Variants in BBX observed in about 807,000 individuals in gnomAD.
BBX encodes HMG box transcription factor BBX.
BBX carries 30 observed loss-of-function variants against 100.2 expected under a neutral mutation model. That is an observed-to-expected ratio of 0.30 (90% CI 0.22 to 0.41). The LOEUF is 0.41. Among genes scored for constraint, BBX ranks in the 10% least tolerant of loss-of-function variants. The probability of loss-of-function intolerance (pLI) is 1.00; values close to 1 mark genes in which losing one functional copy is unlikely to be tolerated. For synonymous variants in BBX, 376 were observed against 388.1 expected, an observed-to-expected ratio of 0.97 and a Z score of 0.37; for missense variants, 1,023 against 1,129.8, an observed-to-expected ratio of 0.91 and a Z score of 1.35.
chr3:107,543,569 T>G (rs1238536954), intron 2 of BBX, among the ~76,000 whole-genome samples: 2 of 152,252 alleles, frequency 1.3e-5, no homozygotes, highest in Non-Finnish European at 2.9e-5. Context: ...AGTTAACGGA[T>G]AATAAACTGT....
intron 3 of BBX, among the ~76,000 whole-genome samples, chr3:107,676,096 A>C (rs980164880): frequency 1.3e-5 from 2 of 152,158 alleles, no homozygotes; most frequent in Admixed American, 1.3e-4. Context: ...TGGGAATCTG[A>C]AAATATCTAG....
At chr3:107,639,746 T>A (rs960206480) in intron 2 of BBX, among the ~76,000 whole-genome samples, 2 of 152,204 alleles carry the variant, frequency 1.3e-5, no homozygotes, top group African/African-American at 4.8e-5. Flanking sequence ...GTACATAATG[T>A]ACATAATGTA....
At chr3:107,577,857 C>A (rs552723148) in intron 2 of BBX, among the ~76,000 whole-genome samples, 2 of 151,916 alleles carry the variant, frequency 1.3e-5, no homozygotes, top group African/African-American at 2.4e-5. Flanking sequence ...ACCAAGATGA[C>A]GAGCCTGGCC....
chr3:107,588,777 A>T (rs978335299), intron 2 of BBX, among the ~76,000 whole-genome samples: 1 of 152,326 alleles, frequency 6.6e-6, no homozygotes, highest in Admixed American at 6.5e-5. Context: ...TGAACATATA[A>T]CATGTTTTAA....
chr3:107,535,878 C>A (rs1000234771), intron 2 of BBX, among the ~76,000 whole-genome samples: 6 of 152,230 alleles, frequency 3.9e-5, no homozygotes, highest in African/African-American at 1.4e-4. Context: ...GGATTATAGG[C>A]GTGAGCCACC....
At chr3:107,662,863 G>A (rs891887764) in intron 3 of BBX, 12 of 152,062 alleles carry the variant, frequency 7.9e-5, no homozygotes, top group Non-Finnish European at 1.8e-4. Flanking sequence ...ACCTCAAAGA[G>A]TCCTGAGTAC....
chr3:107,616,962 TTAAC>T (rs2055338439), intron 2 of BBX, among the ~76,000 whole-genome samples: 1 of 152,094 alleles, frequency 6.6e-6, no homozygotes. Flanking sequence ...TAACTCAAAT[TTAAC>T]TAGCTCTAGA....
At chr3:107,604,195 T>G (rs1289585734) in intron 2 of BBX, among the ~76,000 whole-genome samples, 1 of 152,188 alleles carries the variant, frequency 6.6e-6, no homozygotes, top group African/African-American at 2.4e-5. Context: ...TGATGTGTAG[T>G]CAGACTTGAC....
chr3:107,587,924 G>A (rs1399928692), intron 2 of BBX, among the ~76,000 whole-genome samples: 3 of 152,138 alleles, frequency 2.0e-5, no homozygotes, highest in Non-Finnish European at 4.4e-5. Flanking sequence ...GACATAACAT[G>A]GAATCCCTAC....
intron 3 of BBX, among the ~76,000 whole-genome samples, chr3:107,660,658 A>G (rs77002861): frequency 0.011 from 1,710 of 152,256 alleles, 14 homozygotes; most frequent in Middle Eastern, 0.044. Context: ...AGTTGAATAG[A>G]AATTTCTTTG....
intron 2 of BBX, among the ~76,000 whole-genome samples, chr3:107,625,712 A>G (rs865862615): frequency 3.3e-5 from 5 of 152,144 alleles, no homozygotes; most frequent in Admixed American, 1.3e-4. Context: ...GGCCTTTTGG[A>G]CATAAATGCT....
At chr3:107,668,581 T>A (rs1465968008) in intron 3 of BBX, among the ~76,000 whole-genome samples, 1 of 152,210 alleles carries the variant, frequency 6.6e-6, no homozygotes, top group Non-Finnish European at 1.5e-5. Flanking sequence ...GTTCATGCTC[T>A]GGAACTCTGA....
At chr3:107,676,444 T>A (rs913390185) in intron 3 of BBX, among the ~76,000 whole-genome samples, 11 of 152,204 alleles carry the variant, frequency 7.2e-5, no homozygotes, top group Non-Finnish European at 1.0e-4. Context: ...ACAGCTTTGC[T>A]GGAAACACTA....
intron 2 of BBX, among the ~76,000 whole-genome samples, chr3:107,548,363 T>C (rs2107406472): frequency 6.6e-6 from 1 of 152,342 alleles, no homozygotes; most frequent in East Asian, 1.9e-4. Context: ...TGTTTATGTG[T>C]GTGTTCCATT....
intron 2 of BBX, among the ~76,000 whole-genome samples, chr3:107,645,509 G>T (rs749663584): frequency 6.6e-6 from 1 of 151,968 alleles, no homozygotes; most frequent in Non-Finnish European, 1.5e-5. Context: ...GTTTTTCCAG[G>T]GGATTTGCCT....
chr3:107,587,758 C>T (rs1225711939), intron 2 of BBX, among the ~76,000 whole-genome samples: 2 of 152,152 alleles, frequency 1.3e-5, no homozygotes, highest in Non-Finnish European at 2.9e-5. Context: ...GCTCGAGGCT[C>T]TTTTAGGAGT....
intron 2 of BBX, among the ~76,000 whole-genome samples, chr3:107,562,805 G>T (rs998183350): frequency 6.6e-6 from 1 of 152,138 alleles, no homozygotes; most frequent in Non-Finnish European, 1.5e-5. Flanking sequence ...AACCTGAAAA[G>T]AAATGAATTA....
rs575836355 is a variant in BBX, at chr3:107,697,044, T to C, written c.-9-13408T>C. Reference sequence around the variant, plus strand: ...TAGTTCTCGAGCCTTGGTTTTCAGCTCCATCAGCTCCTTTAAGCACTTCTC... The same window carrying C: ...TAGTTCTCGAGCCTTGGTTTTCAGCCCCATCAGCTCCTTTAAGCACTTCTC... On this transcript the variant is annotated intron_variant, in intron 3 of 17. Coordinates refer to ENST00000325805, the MANE Select transcript of BBX (RefSeq NM_001142568.3). Among the ~76,000 whole-genome samples, 19 of 151,950 alleles carry C rather than the reference T, an allele frequency of 1.3e-4. No individual in the cohort carries two copies. In the East Asian group the frequency reaches 3.3e-3, roughly 26 times the overall value.
Position 107,697,379 on chromosome 3 carries a change from G to T in BBX, c.-9-13073G>T, listed in dbSNP as rs552905807. Among the ~76,000 whole-genome samples, 1,102 of 151,902 alleles carry T rather than the reference G, an allele frequency of 7.3e-3. 40 individuals are homozygous for T. The highest frequency in any genetic ancestry group is 0.025 in the African/African-American group (1,012 of 41,190). ...GGTGATGTACAGATGGGTTTTTGGT[G>T]TGGATGTCCTTTCTGTTGGTTAGTT... On this transcript the variant is annotated intron_variant, in intron 3 of 17. Transcript: ENST00000325805.
Sources: gnomAD v4.1 joint callset for allele counts (sites outside exome capture counted in the v4.1 genomes callset) on GRCh38, gnomAD v4.1.1 for gene constraint, MANE v1.5 for transcripts, NCBI Gene and HGNC (gene_info 2026-07-23, HGNC 2026-07-21) for gene names.